The following CFAP251 variants were observed in gnomAD, a reference collection of about 807,000 sequenced individuals.
The protein encoded by CFAP251 is cilia and flagella associated protein 251, also known as cilia- and flagella-associated protein 251.
In CFAP251, 93 loss-of-function variants were observed where a neutral mutation model predicts 126.7. The ratio of observed to expected loss-of-function variants is 0.73; its 90% CI spans 0.62 to 0.87. The LOEUF is 0.87. Ranked by LOEUF, CFAP251 falls within the 40% of genes least tolerant of loss-of-function variation. The pLI is 0.00. For missense variants in CFAP251, 1,287 were observed against 1,389.2 expected, an observed-to-expected ratio of 0.93 and a Z score of 1.17; for synonymous variants, 503 against 506.9, an observed-to-expected ratio of 0.99 and a Z score of 0.10.
intron 17 of CFAP251, among the ~76,000 whole-genome samples, chr12:121,971,177 G>C (rs1882317662): frequency 6.6e-6 from 1 of 152,254 alleles, no homozygotes; most frequent in African/African-American, 2.4e-5. Flanking sequence ...CACTGAGCTT[G>C]TTGGGATTGG....
At chr12:121,962,195 G>A (rs376141129) in intron 15 of CFAP251, 33 bp downstream of exon 15, 56 of 1,596,212 alleles carry the variant, frequency 3.5e-5, no homozygotes, top group Middle Eastern at 2.2e-4. Flanking sequence ...TGCAGGGGGC[G>A]TGGATCAAGT....
intron 19 of CFAP251, among the ~76,000 whole-genome samples, chr12:121,982,163 TG>T (rs1882636946): frequency 6.6e-6 from 1 of 152,122 alleles, no homozygotes; most frequent in Non-Finnish European, 1.5e-5. Flanking sequence ...TTTACATAAA[TG>T]TCCAAACGCC....
At position 121,921,353 on chromosome 12, in the gene CFAP251, A is replaced by T. The variant is rs755926312; in HGVS notation, c.48A>T (p.Gly16=). 7.5e-6 allele frequency: 12 copies of T among 1,607,792 alleles called. No homozygotes were observed. The South Asian group carries it at 1.2e-4, about 16-fold the overall frequency. The change falls in exon 2 of 22, where the codon GGA becomes GGT. Residue 16 remains glycine, a synonymous_variant. Coordinates refer to ENST00000288912, the MANE Select transcript of CFAP251 (RefSeq NM_144668.6). ...EAPREATGEN[G]ETEMKEEEEP... is the part of the protein sequence containing the mutation. Reference sequence around the variant, plus strand: ...CCCGAGAAGCAACAGGAGAAAATGGAGAAACAGAAATGAAAGAAGAGGAGG... The same window carrying T: ...CCCGAGAAGCAACAGGAGAAAATGGTGAAACAGAAATGAAAGAAGAGGAGG...
At chr12:121,981,912 AC>A (rs11331568) in intron 19 of CFAP251, among the ~76,000 whole-genome samples, 88,365 of 151,950 alleles carry the variant, frequency 0.58, 30,188 homozygotes, top group Non-Finnish European at 0.77. Flanking sequence ...TAATAGTAGT[AC>A]CTACCTCCAG....
At chr12:122,000,547 C>CA (rs36002683) in intron 20 of CFAP251, among the ~76,000 whole-genome samples, 43,817 of 105,018 alleles carry the variant, frequency 0.42, 8,943 homozygotes, top group Non-Finnish European at 0.54. Flanking sequence ...GCGAGACTGT[C>CA]AAAAAAAAAA....
chr12:121,948,990 G>A lies in CFAP251; in HGVS notation c.1198G>A (p.Val400Ile), dbSNP rs1046083359. ...TTCATACTTTATATTTCAGAACTAC[G>A]TTACTTTTAACCCAACAAATAATAA... ...LPTEYGVQNY[V>I]TFNPTNNKEL... The change falls in exon 8 of 22, where the codon GTT becomes ATT. Residue 400 changes from valine to isoleucine, a missense_variant. Physicochemically the swap from Val to Ile is conservative, Grantham distance 29. Transcript: ENST00000288912. 7 of 1,560,364 alleles carry A rather than the reference G, an allele frequency of 4.5e-6. No individual in the cohort carries two copies. The highest frequency in any genetic ancestry group is 2.4e-5 in the East Asian group (1 of 42,540).
rs748953336 is a variant in CFAP251, at chr12:121,949,030, A to G, written c.1238A>G (p.Asn413Ser). The change falls in exon 8 of 22, where the codon AAT (asparagine) becomes AGT (serine). Residue 413 changes from asparagine to serine, a missense_variant. Transcript: ENST00000288912. ...ACAAATAATAAAGAATTGGTGAGCA[A>G]TAGTAAAACACGGGCAATATATTAT... Reference protein sequence around the residue: ...NPTNNKELVSNSKTRAIYYAW... With the variant: ...NPTNNKELVSSSKTRAIYYAW... 12 of 1,590,188 alleles carry G rather than the reference A, an allele frequency of 7.5e-6. No individual in the cohort carries two copies. Among genetic ancestry groups the G allele is most frequent in the African/African-American group, 1.4e-5 (1 of 73,884 alleles).
chr12:121,981,666 T>A (rs930248313), intron 19 of CFAP251, among the ~76,000 whole-genome samples: 41 of 152,320 alleles, frequency 2.7e-4, no homozygotes, highest in African/African-American at 8.7e-4. Context: ...CACACTTCTA[T>A]GAAAGTCACC....
chr12:121,975,408 C>T (rs368598643), intron 18 of CFAP251, 74 bp downstream of exon 18: 1 of 1,570,752 alleles, frequency 6.4e-7, no homozygotes, highest in South Asian at 1.1e-5. Context: ...CCAGGGTTAA[C>T]CTTGCTTTAT....
chr12:122,001,055 C>CTT (rs1177422104), intron 20 of CFAP251, among the ~76,000 whole-genome samples: 45 of 117,388 alleles, frequency 3.8e-4, no homozygotes, highest in African/African-American at 5.8e-4. Context: ...GTTTTTGTTG[C>CTT]TTTTTTTTTT....
rs1334089653 is a variant in CFAP251, at chr12:121,957,348, T to C, written c.1730+80T>C. The C allele has an allele frequency of 4.3e-6, 6 of 1,381,716 alleles. 1 individual carries two copies. Among genetic ancestry groups the C allele is most frequent in the Middle Eastern group, 3.8e-4 (2 of 5,280 alleles). 85.6% of individuals were successfully genotyped at this position (1,381,716 alleles called of 1,614,324 possible). On this transcript the variant is annotated intron_variant, in intron 11 of 21. Transcript: ENST00000288912. ...CTTTAGTTTGCATACAGTGGGAGGT[T>C]CGTGTTGTTCCTGGGATATCTCCCT...
At position 121,996,490 on chromosome 12, in the gene CFAP251, T is replaced by A. The variant is rs74567095; in HGVS notation, c.3007-3226T>A. Among the ~76,000 whole-genome samples the A allele has an allele frequency of 2.0e-3, 299 of 152,286 alleles. 5 individuals carry two copies. The East Asian group carries it at 0.035, about 18-fold the overall frequency. On this transcript the variant is annotated intron_variant, in intron 19 of 21. Coordinates refer to ENST00000288912, the MANE Select transcript of CFAP251 (RefSeq NM_144668.6). The stretch of plus-strand genomic sequence containing the variant: ...AGGAACAGTTTTGTTTGTTTCTTTA[T>A]TTATTATATTTCTCTCTTCCTCGTG...
chr12:121,980,538 G>T (rs1439187797), intron 19 of CFAP251, among the ~76,000 whole-genome samples: 1 of 151,870 alleles, frequency 6.6e-6, no homozygotes, highest in Non-Finnish European at 1.5e-5. Flanking sequence ...GGTAGAGATG[G>T]GGTTTCTCCA....
chr12:121,993,742 T>A (rs1461716055), intron 19 of CFAP251, among the ~76,000 whole-genome samples: 13 of 145,250 alleles, frequency 9.0e-5, no homozygotes, highest in East Asian at 6.4e-4. Flanking sequence ...AACCACCCCG[T>A]CTGAGAAGTG....
chr12:121,936,366 G>C (rs952069807), intron 5 of CFAP251, among the ~76,000 whole-genome samples: 3 of 152,236 alleles, frequency 2.0e-5, no homozygotes, highest in African/African-American at 7.2e-5. Flanking sequence ...AAGATGGCTT[G>C]AGCTTAGGTG....
At position 121,958,259 on chromosome 12, in the gene CFAP251, C is replaced by A; in HGVS notation, c.1731-13C>A. 1 of 1,613,644 alleles carries A rather than the reference C, an allele frequency of 6.2e-7. No homozygotes were observed. The stretch of plus-strand genomic sequence containing the variant: ...CAAACACTGATATTGTTTGGTCTCT[C>A]CTTGGCAAACAGGAATTTTATCATT... On this transcript the variant is annotated splice_polypyrimidine_tract_variant and intron_variant, in intron 11 of 21. Transcript: ENST00000288912.
At chr12:121,984,270 T>C (rs1882694627) in intron 19 of CFAP251, among the ~76,000 whole-genome samples, 1 of 152,186 alleles carries the variant, frequency 6.6e-6, no homozygotes, top group Non-Finnish European at 1.5e-5. Flanking sequence ...AAAGTGGTCA[T>C]GGTGGGCTGC....
At chr12:121,967,358 T>C (rs1391311648) in intron 16 of CFAP251, among the ~76,000 whole-genome samples, 1 of 152,236 alleles carries the variant, frequency 6.6e-6, no homozygotes, top group Non-Finnish European at 1.5e-5. Context: ...TGTAAAAATA[T>C]GCAAATTAGT....
At chr12:121,941,689 T>G (rs1246977481) in intron 5 of CFAP251, among the ~76,000 whole-genome samples, 2 of 152,212 alleles carry the variant, frequency 1.3e-5, no homozygotes, top group African/African-American at 4.8e-5. Flanking sequence ...TCATGTATGG[T>G]ATATTAAGGG....
Sources: gnomAD v4.1 joint callset for allele counts (sites outside exome capture counted in the v4.1 genomes callset) on GRCh38, gnomAD v4.1.1 for gene constraint, MANE v1.5 for transcripts, NCBI Gene and HGNC (gene_info 2026-07-23, HGNC 2026-07-21) for gene names.